GDPD5: variants seen among roughly 807,000 people sequenced by gnomAD.
The protein encoded by GDPD5 is glycerophosphodiester phosphodiesterase domain containing 5.
In GDPD5, 48 loss-of-function variants were observed where a neutral mutation model predicts 75.1. The observed-to-expected ratio is 0.64, with a 90% CI of 0.51 to 0.81. The LOEUF is 0.81. Among genes scored for constraint, GDPD5 ranks in the 40% least tolerant of loss-of-function variants. GDPD5 has a pLI of 0.00. For synonymous variants in GDPD5, 336 were observed against 339.0 expected (o/e 0.99, Z 0.10); for missense variants, 706 against 822.6 (o/e 0.86, Z 1.73).
In GDPD5 at chr11:75,442,584, G is replaced by A. The variant is rs1258975590; in HGVS notation, c.949-3C>T. 1 of 1,613,836 alleles carries A rather than the reference G, an allele frequency of 6.2e-7. No individual in the cohort carries two copies. The highest frequency in any genetic ancestry group is 1.3e-5 in the African/African-American group (1 of 75,054). On this transcript the variant is annotated splice_polypyrimidine_tract_variant and splice_region_variant and intron_variant, in intron 11 of 16. Transcript: ENST00000336898. ...CTGGCTGTCCAGAAGGGGTCAGTCT[G>A]GCAGGGACAGGGACACACACATGGC...
chr11:75,449,204 TG>T lies in GDPD5; in HGVS notation c.569-83del. 2.0e-6 allele frequency: 3 copies of T among 1,484,946 alleles called. No individual in the cohort carries two copies. In the South Asian group the frequency reaches 3.9e-5, roughly 19 times the overall value. 92.0% of individuals were successfully genotyped at this position (1,484,946 alleles called of 1,614,324 possible). On this transcript the variant is annotated intron_variant, in intron 8 of 16. Coordinates refer to ENST00000336898, the MANE Select transcript of GDPD5 (RefSeq NM_030792.8). Reference sequence around the variant, plus strand: ...ATGCTGGACCCCTCTACCCCCGACCTGTCAGGATCCAGGTGCTCTAGGGGGA... The same window carrying T: ...ATGCTGGACCCCTCTACCCCCGACCTTCAGGATCCAGGTGCTCTAGGGGGA...
chr11:75,455,869 C>G (rs1442744526), intron 6 of GDPD5, among the ~76,000 whole-genome samples: 1 of 152,218 alleles, frequency 6.6e-6, no homozygotes, highest in Non-Finnish European at 1.5e-5. Flanking sequence ...ATGGGTGAAG[C>G]CTGTCTGCTT....
chr11:75,453,883 A>G (rs2135248534), intron 6 of GDPD5, among the ~76,000 whole-genome samples: 1 of 152,312 alleles, frequency 6.6e-6, no homozygotes, highest in African/African-American at 2.4e-5. Context: ...TTCCAAAAAG[A>G]GAAAAAATTA....
chr11:75,457,445 T>C lies in GDPD5; in HGVS notation c.315+248A>G, dbSNP rs562372091. ...AATTAATGTGCCATATGTAGCCAAC[T>C]TCCTACTAGTGGCATGAAATAGCTT... On this transcript the variant is annotated intron_variant, in intron 5 of 16. Transcript: ENST00000336898. Among the ~76,000 whole-genome samples the C allele has an allele frequency of 2.0e-5, 3 of 152,362 alleles. No individual in the cohort carries two copies. The East Asian group carries it at 5.8e-4, about 29-fold the overall frequency.
chr11:75,494,136 G>A (rs1208298469), intron 1 of GDPD5, among the ~76,000 whole-genome samples: 1 of 151,070 alleles, frequency 6.6e-6, no homozygotes, highest in Non-Finnish European at 1.5e-5. Context: ...TTTAATAGAT[G>A]ATTTTATGGA....
chr11:75,509,342 C>A (rs918503757), intron 1 of GDPD5, among the ~76,000 whole-genome samples: 1 of 152,186 alleles, frequency 6.6e-6, no homozygotes, highest in Non-Finnish European at 1.5e-5. Flanking sequence ...TGCAGACACA[C>A]AGTTCTGGCC....
intron 3 of GDPD5, among the ~76,000 whole-genome samples, chr11:75,475,353 C>T (rs1949756121): frequency 6.6e-6 from 1 of 152,074 alleles, no homozygotes; most frequent in African/African-American, 2.4e-5. Flanking sequence ...CCGTCTCCAC[C>T]ACCCCTCAAC....
intron 2 of GDPD5, among the ~76,000 whole-genome samples, chr11:75,485,054 C>T (rs1260553604): frequency 6.6e-6 from 1 of 152,144 alleles, no homozygotes; most frequent in East Asian, 1.9e-4. Context: ...ATGGAGAGAC[C>T]TTGAAAACAT....
chr11:75,488,997 G>A lies in GDPD5; in HGVS notation c.-61+1240C>T, dbSNP rs1461996976. 2.0e-5 allele frequency among the ~76,000 whole-genome samples: 3 copies of A among 152,096 alleles called. No homozygotes were observed. The South Asian group carries it at 6.2e-4, about 32-fold the overall frequency. On this transcript the variant is annotated intron_variant, in intron 2 of 16. Transcript: ENST00000336898. ...TAGAGGACCTATGTCCCCTGCACTG[G>A]GCCTGGCACCAAGGAGGTACCTATT...
At chr11:75,453,187 G>A (rs1162910344) in intron 6 of GDPD5, among the ~76,000 whole-genome samples, 2 of 151,966 alleles carry the variant, frequency 1.3e-5, no homozygotes, top group East Asian at 3.9e-4. Flanking sequence ...GGGAGGAGGA[G>A]GAAGGTCCCC....
chr11:75,451,898 T>C (rs758595447), intron 6 of GDPD5: 38 of 152,364 alleles, frequency 2.5e-4, no homozygotes, highest in Middle Eastern at 3.4e-3. Flanking sequence ...CATTAAGTTA[T>C]AGCAATAGCA....
chr11:75,447,381 G>C (rs1347849822), intron 9 of GDPD5, among the ~76,000 whole-genome samples: 1 of 152,114 alleles, frequency 6.6e-6, no homozygotes, highest in African/African-American at 2.4e-5. Context: ...TGTAATAACA[G>C]CATTGTTGCT....
intron 3 of GDPD5, among the ~76,000 whole-genome samples, chr11:75,474,093 G>A (rs557515184): frequency 6.6e-6 from 1 of 152,368 alleles, no homozygotes; most frequent in East Asian, 1.9e-4. Flanking sequence ...AGGCCTGGGG[G>A]TGTGAGTGGG....
intron 1 of GDPD5, among the ~76,000 whole-genome samples, chr11:75,504,562 A>C (rs969109826): frequency 6.6e-6 from 1 of 152,220 alleles, no homozygotes; most frequent in Non-Finnish European, 1.5e-5. Flanking sequence ...AAGTGAAATA[A>C]GCCAAATATT....
At chr11:75,450,147 G>C (rs1450867381) in intron 6 of GDPD5, among the ~76,000 whole-genome samples, 164 bp from the exon 7 acceptor site, 1 of 152,202 alleles carries the variant, frequency 6.6e-6, no homozygotes, top group Non-Finnish European at 1.5e-5. Flanking sequence ...CAGGAAACTA[G>C]AGGCCGGCAG....
rs117746743 is a variant in GDPD5 at position 75,440,301 on chromosome 11, G to A, written c.1474-340C>T. On this transcript the variant is annotated intron_variant, in intron 14 of 16. Coordinates refer to ENST00000336898, the MANE Select transcript of GDPD5 (RefSeq NM_030792.8). ...GATACTGAAAGACAATGGCTTTGCC[G>A]CCCCCCGCTGCCGACTCTCATCCAT... 7.7e-3 allele frequency among the ~76,000 whole-genome samples: 1,165 copies of A among 152,152 alleles called. 20 individuals are homozygous for A. The highest frequency in any genetic ancestry group is 0.026 in the African/African-American group (1,076 of 41,506).
intron 4 of GDPD5, among the ~76,000 whole-genome samples, chr11:75,458,415 T>A (rs1196603052): frequency 6.6e-6 from 1 of 152,210 alleles, no homozygotes; most frequent in Non-Finnish European, 1.5e-5. Flanking sequence ...GGCTCACGCC[T>A]GTAATCCCAG....
intron 9 of GDPD5, among the ~76,000 whole-genome samples, chr11:75,446,160 G>A (rs1156536203): frequency 6.6e-6 from 1 of 152,242 alleles, no homozygotes; most frequent in Non-Finnish European, 1.5e-5. Flanking sequence ...TGCATGGGCT[G>A]GGGCTGCAGA....
intron 1 of GDPD5, chr11:75,490,649 G>A (rs1418745925): frequency 1.3e-5 from 2 of 152,318 alleles, no homozygotes; most frequent in Non-Finnish European, 2.9e-5. Context: ...ACGGATCCAG[G>A]ATCCAAAGCC....
Sources: gnomAD v4.1 joint callset for allele counts (sites outside exome capture counted in the v4.1 genomes callset) on GRCh38, gnomAD v4.1.1 for gene constraint, MANE v1.5 for transcripts, NCBI Gene and HGNC (gene_info 2026-07-23, HGNC 2026-07-21) for gene names.